Variants in TDRD10 observed in about 807,000 individuals in gnomAD.
TDRD10 encodes the protein tudor domain containing 10.
In TDRD10, 40 loss-of-function variants were observed where a neutral mutation model predicts 48.0. The observed-to-expected ratio is 0.83, with a 90% confidence interval of 0.65 to 1.09. The LOEUF (loss-of-function observed/expected upper bound fraction) is 1.09, where lower values mean the gene tolerates loss of function less well. Ranked by LOEUF, TDRD10 falls within the 50% of genes least tolerant of loss-of-function variation. TDRD10 has a pLI of 0.00. For synonymous variants in TDRD10, 162 were observed against 170.4 expected (o/e 0.95, Z 0.38); for missense variants, 378 against 434.7 (o/e 0.87, Z 1.16).
At chr1:154,536,363 C>T (rs182831302) in intron 6 of TDRD10, among the ~76,000 whole-genome samples, 5 of 152,078 alleles carry the variant, frequency 3.3e-5, no homozygotes, top group Non-Finnish European at 7.4e-5. Flanking sequence ...ACAACAAGAG[C>T]GAAACTCCAT....
chr1:154,509,981 A>T, intron 4 of TDRD10: 1 of 532,532 alleles, frequency 1.9e-6, no homozygotes, highest in Non-Finnish European at 2.4e-6. Flanking sequence ...CACCATGGTA[A>T]GGGAACGTTT....
chr1:154,545,408 C>T (rs1695494202), intron 11 of TDRD10, among the ~76,000 whole-genome samples: 1 of 152,186 alleles, frequency 6.6e-6, no homozygotes, highest in Non-Finnish European at 1.5e-5. Flanking sequence ...GCTTCAGACA[C>T]CTGTGGGTTT....
intron 1 of TDRD10, among the ~76,000 whole-genome samples, chr1:154,506,124 G>A (rs12119111): frequency 0.59 from 89,793 of 151,902 alleles, 27,130 homozygotes; most frequent in East Asian, 0.76. Flanking sequence ...GTTAAACAAC[G>A]CAAATATTAT....
Position 154,534,849 on chromosome 1 carries a change from C to T in TDRD10, c.370-7175C>T, listed in dbSNP as rs986238288. ...CGCATCCAGGCAGTGTTCAGGTCAGCGTGGGGGAGAGATTATCAAATGATA... is the reference window on the plus strand; with the variant it reads ...CGCATCCAGGCAGTGTTCAGGTCAGTGTGGGGGAGAGATTATCAAATGATA... On this transcript the variant is annotated intron_variant, in intron 6 of 12. Transcript: ENST00000368482. 9.2e-5 allele frequency among the ~76,000 whole-genome samples: 14 copies of T among 152,138 alleles called. No homozygotes were observed. The South Asian group carries it at 1.2e-3, about 14-fold the overall frequency.
At chr1:154,509,987 C>A in intron 4 of TDRD10, 1 of 472,562 alleles carries the variant, frequency 2.1e-6, no homozygotes, top group Non-Finnish European at 2.8e-6. Flanking sequence ...GGTAAGGGAA[C>A]GTTTCATCCT....
chr1:154,542,161 G>C, intron 7 of TDRD10, 95 bp downstream of exon 7: 1 of 1,225,468 alleles, frequency 8.2e-7, no homozygotes, highest in Non-Finnish European at 1.2e-6. Context: ...TTCCAGCTCA[G>C]TCCCCTGATG....
chr1:154,515,453 C>A (rs1693709490), intron 4 of TDRD10, among the ~76,000 whole-genome samples: 1 of 152,180 alleles, frequency 6.6e-6, no homozygotes, highest in Non-Finnish European at 1.5e-5. Context: ...CCCTTGCGGC[C>A]CTGTGTGAAC....
At chr1:154,533,722 C>T (rs1694770709) in intron 6 of TDRD10, among the ~76,000 whole-genome samples, 1 of 151,878 alleles carries the variant, frequency 6.6e-6, no homozygotes, top group Non-Finnish European at 1.5e-5. Flanking sequence ...ACTGCAGCCT[C>T]GAACTCCTGG....
intron 4 of TDRD10, among the ~76,000 whole-genome samples, chr1:154,517,248 C>T (rs2149321912): frequency 6.6e-6 from 1 of 152,308 alleles, no homozygotes; most frequent in South Asian, 2.1e-4. Context: ...TACCTTCTGT[C>T]TGCATATTTG....
chr1:154,534,949 T>C (rs1694841809), intron 6 of TDRD10, among the ~76,000 whole-genome samples: 1 of 152,108 alleles, frequency 6.6e-6, no homozygotes, highest in Admixed American at 6.5e-5. Context: ...GGATAATGAA[T>C]GGGAAAATAA....
At chr1:154,514,870 ATTTATTTT>A (rs1477132831) in intron 4 of TDRD10, among the ~76,000 whole-genome samples, 1 of 150,074 alleles carries the variant, frequency 6.7e-6, no homozygotes, top group African/African-American at 2.5e-5. Flanking sequence ...TTATTTATTT[ATTTATTTT>A]TTTTTTTGAG....
chr1:154,513,788 G>T (rs907464550), intron 4 of TDRD10, among the ~76,000 whole-genome samples: 16 of 152,168 alleles, frequency 1.1e-4, no homozygotes, highest in African/African-American at 3.4e-4. Context: ...AAATAATGCC[G>T]CCATAAAGCA....
At chr1:154,511,072 T>A (rs1693444276) in intron 4 of TDRD10, among the ~76,000 whole-genome samples, 1 of 151,656 alleles carries the variant, frequency 6.6e-6, no homozygotes, top group South Asian at 2.1e-4. Context: ...AAAATATATA[T>A]AATATTTACA....
At chr1:154,524,569 G>T (rs1240792049) in intron 6 of TDRD10, among the ~76,000 whole-genome samples, 1 of 152,208 alleles carries the variant, frequency 6.6e-6, no homozygotes, top group African/African-American at 2.4e-5. Context: ...TTCTAGCAAA[G>T]ATTAAATTAC....
intron 4 of TDRD10, among the ~76,000 whole-genome samples, 171 bp downstream of exon 4, chr1:154,508,652 CT>C (rs1255905245): frequency 6.6e-6 from 1 of 152,192 alleles, no homozygotes; most frequent in Non-Finnish European, 1.5e-5. Flanking sequence ...TTGCCTTGGA[CT>C]TTCCCAGTTT....
At chr1:154,515,254 T>C (rs9330296) in intron 4 of TDRD10, among the ~76,000 whole-genome samples, 144,337 of 151,824 alleles carry the variant, frequency 0.95, 69,047 homozygotes, top group East Asian at 1. Context: ...TGCCTCGGCC[T>C]CCCAAAGTGC....
At chr1:154,512,388 A>G (rs966359596) in intron 4 of TDRD10, among the ~76,000 whole-genome samples, 1 of 152,088 alleles carries the variant, frequency 6.6e-6, no homozygotes, top group Non-Finnish European at 1.5e-5. Flanking sequence ...CTTGTTGCCC[A>G]GGCTGGAGTG....
intron 4 of TDRD10, among the ~76,000 whole-genome samples, chr1:154,510,938 C>T (rs935307157): frequency 6.6e-6 from 1 of 150,648 alleles, no homozygotes; most frequent in Non-Finnish European, 1.5e-5. Flanking sequence ...CCCAGCTACT[C>T]GGGAGGCTGA....
intron 1 of TDRD10, among the ~76,000 whole-genome samples, chr1:154,504,055 A>C (rs1356421486): frequency 6.6e-6 from 1 of 152,192 alleles, no homozygotes; most frequent in Non-Finnish European, 1.5e-5. Context: ...CCGCCTTCCC[A>C]GTCCTAGACA....
Sources: allele counts gnomAD v4.1 joint callset (sites outside exome capture counted in the v4.1 genomes callset), GRCh38; gene constraint gnomAD v4.1.1; transcripts MANE v1.5; gene names NCBI Gene and HGNC (gene_info 2026-07-23, HGNC 2026-07-21).